Variants in MRRF observed in about 807,000 individuals in gnomAD.
The protein encoded by MRRF is mitochondrial ribosome recycling factor.
Under a neutral mutation model 25.1 loss-of-function variants are expected in MRRF, and 18 were observed. The ratio of observed to expected loss-of-function variants is 0.72; its 90% confidence interval spans 0.50 to 1.06. The LOEUF (loss-of-function observed/expected upper bound fraction) is 1.06. Among genes scored for constraint, MRRF ranks in the 50% least tolerant of loss-of-function variants. The pLI is 0.00. For synonymous variants in MRRF, 113 were observed against 112.1 expected (o/e 1.01, Z -0.05); for missense variants, 323 against 319.3 (o/e 1.01, Z -0.09).
intron 2 of MRRF, among the ~76,000 whole-genome samples, chr9:122,278,577 T>C (rs893602950): frequency 4.6e-5 from 7 of 152,246 alleles, no homozygotes; most frequent in African/African-American, 1.7e-4. Context: ...TTCTCATGGT[T>C]GCATAGTATT....
chr9:122,286,260 C>T, intron 4 of MRRF: 1 of 1,210,880 alleles, frequency 8.3e-7, no homozygotes, highest in Non-Finnish European at 1.1e-6. Flanking sequence ...ACAAACTAGG[C>T]TAGAGATAGG....
At chr9:122,299,621 G>A (rs1300583908) in intron 5 of MRRF, among the ~76,000 whole-genome samples, 2 of 152,002 alleles carry the variant, frequency 1.3e-5, no homozygotes, top group Admixed American at 6.6e-5. Context: ...GAAAAGAAGA[G>A]GTTTGGGGAC....
At chr9:122,274,605 C>G (rs1832668426) in intron 2 of MRRF, among the ~76,000 whole-genome samples, 1 of 145,846 alleles carries the variant, frequency 6.9e-6, no homozygotes, top group East Asian at 2.1e-4. Context: ...GAATTGGTTC[C>G]TTTAATGATT....
chr9:122,309,131 A>G (rs1835053072), intron 5 of MRRF, among the ~76,000 whole-genome samples: 1 of 152,190 alleles, frequency 6.6e-6, no homozygotes, highest in Non-Finnish European at 1.5e-5. Context: ...AAGTGGAATC[A>G]TACAATATGT....
rs1181229934 is a variant in MRRF, at chr9:122,320,639, C to T, written c.712-1901C>T. Among the ~76,000 whole-genome samples the T allele has an allele frequency of 3.4e-4, 52 of 152,238 alleles. 1 individual carries two copies. Among genetic ancestry groups the T allele is most frequent in the Admixed American group, 3.4e-3 (52 of 15,284 alleles). ...GAGTCCAGCCACTCTTGCAGTGTGTCTGGCAGCCCCCAGGTGTTTTGCTTT... is the reference window on the plus strand; with the variant it reads ...GAGTCCAGCCACTCTTGCAGTGTGTTTGGCAGCCCCCAGGTGTTTTGCTTT... On this transcript the variant is annotated intron_variant, in intron 6 of 6. Coordinates refer to ENST00000344641, the MANE Select transcript of MRRF (RefSeq NM_138777.5).
intron 5 of MRRF, among the ~76,000 whole-genome samples, chr9:122,300,278 TG>T (rs1834368263): frequency 6.6e-6 from 1 of 152,170 alleles, no homozygotes; most frequent in Non-Finnish European, 1.5e-5. Flanking sequence ...GATCAAGGTG[TG>T]GGGGCTGGAA....
At position 122,313,268 on chromosome 9, in the gene MRRF, A is replaced by C; in HGVS notation, c.593A>C (p.Lys198Thr). ...AGAGAAATGCTGGTGAAACTGGCCA[A>C]ACAGAACACCAACAAGGCCAAAGAC... ...EHREMLVKLA[K>T]QNTNKAKDSL... The change falls in exon 6 of 7, where the codon AAA (lysine) becomes ACA (threonine). Residue 198 changes from lysine (K) to threonine (T), a missense_variant. Coordinates refer to ENST00000344641, the MANE Select transcript of MRRF (RefSeq NM_138777.5). The C allele has an allele frequency of 6.2e-7, 1 of 1,614,120 alleles. No individual in the cohort carries two copies. Among genetic ancestry groups the C allele is most frequent in the Non-Finnish European group, 8.5e-7 (1 of 1,179,952 alleles).
rs567560567 is a variant in MRRF at position 122,326,946 on chromosome 9, G to C, written c.*4329G>C. 1 of 152,316 alleles carries C rather than the reference G, an allele frequency of 6.6e-6. No homozygotes were observed. Among genetic ancestry groups the C allele is most frequent in the African/African-American group, 2.4e-5 (1 of 41,574 alleles). The allele number at this position is 152,316 out of a possible 1,614,324, so 9.4% of individuals were successfully genotyped here. On this transcript the variant is annotated 3_prime_UTR_variant, in exon 7 of 7. Transcript: ENST00000344641. The stretch of plus-strand genomic sequence containing the variant: ...CAAACCCACATCTGACCTTGAAGTA[G>C]GTCCTTAATCAGTGTGCTTTGGTTC...
At chr9:122,298,231 G>T (rs1269645632) in intron 5 of MRRF, among the ~76,000 whole-genome samples, 1 of 152,092 alleles carries the variant, frequency 6.6e-6, no homozygotes, top group African/African-American at 2.4e-5. Flanking sequence ...ACAGCAATTG[G>T]CATTTTTAAG....
rs1219535902 is a variant in MRRF at position 122,330,947 on chromosome 9, GGCATC to G, written c.*8331_*8335del. Reference sequence around the variant, plus strand: ...TCTGTCTCCACACAGAGGAACACTTGGCATCAGGGAGTCTGTTGTCTGACCCGCAA... The same window carrying G: ...TCTGTCTCCACACAGAGGAACACTTGAGGGAGTCTGTTGTCTGACCCGCAA... On this transcript the variant is annotated 3_prime_UTR_variant, in exon 7 of 7. Transcript: ENST00000344641. This position sits in a 1 kb window ranked among gnomAD's most constrained non-coding sequence, Gnocchi z 4.2. 1 of 152,180 alleles carries G rather than the reference GGCATC, an allele frequency of 6.6e-6. No homozygotes were observed. Among genetic ancestry groups the G allele is most frequent in the African/African-American group, 2.4e-5 (1 of 41,414 alleles). 9.4% of individuals were successfully genotyped at this position (152,180 alleles called of 1,614,324 possible). A position where few individuals can be genotyped will look rare whatever the true frequency, so the allele number is the denominator to read the frequency against.
intron 5 of MRRF, among the ~76,000 whole-genome samples, chr9:122,304,492 G>A (rs572424368): frequency 3.3e-5 from 5 of 152,302 alleles, no homozygotes; most frequent in Admixed American, 6.5e-5. Flanking sequence ...AATCGAAAGC[G>A]TAGGATAGGC....
chr9:122,276,111 G>A (rs774546013), intron 2 of MRRF, among the ~76,000 whole-genome samples: 3 of 151,398 alleles, frequency 2.0e-5, no homozygotes, highest in South Asian at 2.1e-4. Flanking sequence ...ATGGGATTTC[G>A]CCATGTTGGC....
intron 2 of MRRF, among the ~76,000 whole-genome samples, chr9:122,271,406 A>G (rs2119033456): frequency 6.6e-6 from 1 of 152,356 alleles, no homozygotes; most frequent in South Asian, 2.1e-4. Context: ...TTGTCTCCTT[A>G]TAGGAAGATG....
chr9:122,310,430 T>G (rs1252683332), intron 5 of MRRF, among the ~76,000 whole-genome samples: 7 of 152,240 alleles, frequency 4.6e-5, no homozygotes, highest in African/African-American at 1.7e-4. Context: ...TTCAGCTTCA[T>G]GCTGTCCCTC....
intron 5 of MRRF, 95 bp from the exon 6 acceptor site, chr9:122,313,132 C>A: frequency 7.6e-7 from 1 of 1,310,090 alleles, no homozygotes; most frequent in East Asian, 2.5e-5. Flanking sequence ...AGGAAAGTTA[C>A]AAACTGCTGA....
chr9:122,293,277 G>C (rs746569241), intron 5 of MRRF, among the ~76,000 whole-genome samples: 1 of 152,184 alleles, frequency 6.6e-6, no homozygotes, highest in Non-Finnish European at 1.5e-5. Context: ...ACATTATCCT[G>C]TATTCCTTTA....
rs116485350 is a variant in MRRF at position 122,310,453 on chromosome 9, C to T, written c.552-2774C>T. Among the ~76,000 whole-genome samples the T allele has an allele frequency of 6.9e-4, 105 of 152,336 alleles. 1 individual carries two copies. Among genetic ancestry groups the T allele is most frequent in the African/African-American group, 2.5e-3 (104 of 41,568 alleles). On this transcript the variant is annotated intron_variant, in intron 5 of 6. Transcript: ENST00000344641. ...CATGCTGTCCCTCCACTACATCTCC[C>T]ACTGTGCTTCCCAAAATGCACTTTG...
chr9:122,274,152 GT>G (rs1314151253), intron 2 of MRRF, among the ~76,000 whole-genome samples: 1 of 152,028 alleles, frequency 6.6e-6, no homozygotes, highest in East Asian at 1.9e-4. Flanking sequence ...AGGCATCTTT[GT>G]TTTAGTCCTG....
At chr9:122,282,531 T>C (rs1203711137) in intron 3 of MRRF, among the ~76,000 whole-genome samples, 1 of 152,086 alleles carries the variant, frequency 6.6e-6, no homozygotes, top group Non-Finnish European at 1.5e-5. Context: ...TGACTTGGAG[T>C]TGGTCAGACC....
Sources: gnomAD v4.1 joint callset for allele counts (sites outside exome capture counted in the v4.1 genomes callset) on GRCh38, gnomAD v4.1.1 for gene constraint, Gnocchi (gnomAD v3.1) non-coding constraint, MANE v1.5 for transcripts, NCBI Gene and HGNC (gene_info 2026-07-23, HGNC 2026-07-21) for gene names.